TM2D3: variants seen among roughly 807,000 people sequenced by gnomAD.
TM2D3 encodes TM2 domain-containing protein 3.
TM2D3 carries 33 observed loss-of-function variants against 27.3 expected under a neutral mutation model. The observed-to-expected ratio is 1.21, with a 90% CI of 0.92 to 1.61. TM2D3 has a LOEUF of 1.61. TM2D3 is among the 40% of genes most tolerant of loss of function. TM2D3 has a pLI of 0.00. For missense variants in TM2D3, 364 were observed against 320.8 expected (o/e 1.13, Z -1.03); for synonymous variants, 138 against 122.2 (o/e 1.13, Z -0.85).
At chr15:101,644,348 C>G (rs947119674) in intron 5 of TM2D3, among the ~76,000 whole-genome samples, 7 of 152,172 alleles carry the variant, frequency 4.6e-5, no homozygotes, top group African/African-American at 1.4e-4. Flanking sequence ...GGGGGGTTTG[C>G]TACTGACAAG....
At chr15:101,640,464 G>A (rs1419205795), downstream of TM2D3, among the ~76,000 whole-genome samples, 2 of 152,188 alleles carry the variant, frequency 1.3e-5, no homozygotes, top group African/African-American at 2.4e-5. Context: ...AAGCCACGCC[G>A]TTTATGGTAT....
intron 5 of TM2D3, among the ~76,000 whole-genome samples, chr15:101,643,474 C>A (rs1032229775): frequency 6.6e-6 from 1 of 151,754 alleles, no homozygotes; most frequent in South Asian, 2.1e-4. Context: ...TGGTGGCGGG[C>A]GCCTGTAGTC....
intron 2 of TM2D3, chr15:101,651,076 G>T (rs1467889569): frequency 6.6e-6 from 1 of 152,408 alleles, no homozygotes; most frequent in Non-Finnish European, 1.5e-5. Context: ...TTTAAAACTG[G>T]TCCTACTTTA....
At position 101,642,411 on chromosome 15, in the gene TM2D3, C is replaced by G. The variant is rs1235480740; in HGVS notation, c.*68G>C. 6.7e-7 allele frequency: 1 copy of G among 1,484,202 alleles called. No homozygotes were observed. The highest frequency in any genetic ancestry group is 1.4e-5 in the African/African-American group (1 of 70,604). 91.9% of individuals were successfully genotyped at this position (1,484,202 alleles called of 1,614,324 possible). ...AAAACATAGAAATATATCACTCACACCACATCAACTCCTACGGACAAAAGG... is the reference window on the plus strand; with the variant it reads ...AAAACATAGAAATATATCACTCACAGCACATCAACTCCTACGGACAAAAGG... On this transcript the variant is annotated 3_prime_UTR_variant, in exon 6 of 6. Transcript: ENST00000333202.
rs771029297 is a variant in TM2D3, at chr15:101,650,081, A to C, written c.250T>G (p.Cys84Gly). 1.2e-6 allele frequency: 2 copies of C among 1,614,212 alleles called. No homozygotes were observed. The highest frequency in any genetic ancestry group is 1.7e-6 in the Non-Finnish European group (2 of 1,180,010). Residue 84 changes from cysteine to glycine, a missense_variant, in exon 3 of 6, where the codon TGC becomes GGC. Transcript: ENST00000333202. Reference protein sequence around the residue: ...CSRLPADCIDCTTNFSCTYGK... With the variant: ...CSRLPADCIDGTTNFSCTYGK... ...TAGGTACAGGAGAAATTTGTTGTGCAGTCTATACAGTCTGCAGGAAGCCTG... is the reference window on the plus strand; with the variant it reads ...TAGGTACAGGAGAAATTTGTTGTGCCGTCTATACAGTCTGCAGGAAGCCTG...
chr15:101,647,213 C>CA (rs1181100633), intron 3 of TM2D3, among the ~76,000 whole-genome samples: 1 of 152,150 alleles, frequency 6.6e-6, no homozygotes, highest in African/African-American at 2.4e-5. Context: ...CTAAATTTTT[C>CA]ATAGTAAACG....
chr15:101,651,985 G>A, intron 1 of TM2D3: 1 of 599,186 alleles, frequency 1.7e-6, no homozygotes, highest in East Asian at 2.9e-5. Context: ...ACCGAAGGAT[G>A]ACATCGCGCT....
At chr15:101,638,746 A>G (rs995551278), downstream of TM2D3, among the ~76,000 whole-genome samples, 1 of 151,834 alleles carries the variant, frequency 6.6e-6, no homozygotes, top group African/African-American at 2.4e-5. Context: ...TTCGCTGTGG[A>G]GTTTTCATTT....
chr15:101,644,802 A>T (rs1035524346), intron 5 of TM2D3, among the ~76,000 whole-genome samples: 1 of 152,198 alleles, frequency 6.6e-6, no homozygotes, highest in African/African-American at 2.4e-5. Context: ...ATACATCATA[A>T]AACTGCCTAT....
chr15:101,639,678 G>A (rs112019400), downstream of TM2D3, among the ~76,000 whole-genome samples: 3 of 151,742 alleles, frequency 2.0e-5, no homozygotes, highest in Admixed American at 6.6e-5. Context: ...CTTTTTATAC[G>A]CACCATAAAC....
chr15:101,640,846 C>T (rs1433236381), downstream of TM2D3, among the ~76,000 whole-genome samples: 1 of 152,224 alleles, frequency 6.6e-6, no homozygotes, highest in Non-Finnish European at 1.5e-5. Context: ...TTCATTTATG[C>T]CTCCTTTCAT....
At chr15:101,646,033 C>T (rs931811900) in intron 4 of TM2D3, 2 of 152,328 alleles carry the variant, frequency 1.3e-5, no homozygotes, top group Non-Finnish European at 2.9e-5. Context: ...GCTGAAGAAG[C>T]TCTTGCACCT....
At chr15:101,638,087 C>G (rs959546588), downstream of TM2D3, among the ~76,000 whole-genome samples, 2 of 152,106 alleles carry the variant, frequency 1.3e-5, no homozygotes, top group Admixed American at 6.5e-5. Flanking sequence ...GCAATGACCC[C>G]TGGGGGTCAC....
intron 1 of TM2D3, 121 bp from the exon 2 acceptor site, chr15:101,651,894 G>T: frequency 2.0e-6 from 2 of 993,106 alleles, no homozygotes; most frequent in Non-Finnish European, 1.6e-6. Flanking sequence ...AAACCTCACG[G>T]CTGGTCAGCC....
rs747589345 is a variant in TM2D3, at chr15:101,652,193, G to A, written c.91+78C>T. The A allele has an allele frequency of 6.0e-5, 79 of 1,323,756 alleles. 1 individual carries two copies. Among genetic ancestry groups the A allele is most frequent in the Non-Finnish European group, 7.5e-5 (71 of 942,118 alleles). The allele number at this position is 1,323,756 out of a possible 1,614,324, so 82.0% of individuals were successfully genotyped here. On this transcript the variant is annotated intron_variant, in intron 1 of 5. Coordinates refer to ENST00000333202, the MANE Select transcript of TM2D3 (RefSeq NM_078474.3). ...CCTCCCCGCGTCAGCGTCCGCCCGT[G>A]GGCCCGGCCTCCTCGCAGCTCCCGG...
chr15:101,635,881 G>C (rs1446005513), intron 4 of TM2D3: 1 of 152,108 alleles, frequency 6.6e-6, no homozygotes, highest in African/African-American at 2.4e-5. Flanking sequence ...TTCTTTCGCA[G>C]ACTGTGTTTC....
chr15:101,648,425 T>A (rs567011369), intron 3 of TM2D3: 11 of 152,366 alleles, frequency 7.2e-5, no homozygotes, highest in Non-Finnish European at 1.3e-4. Flanking sequence ...TACGTTTACA[T>A]CTGCCTATTT....
downstream of TM2D3, chr15:101,641,784 C>A: frequency 1.7e-6 from 1 of 586,478 alleles, no homozygotes; most frequent in Non-Finnish European, 2.1e-6. Context: ...TTATTCTTAA[C>A]AATAAAGGTA....
chr15:101,635,829 T>A (rs1388727850), intron 4 of TM2D3: 2 of 152,152 alleles, frequency 1.3e-5, no homozygotes, highest in Non-Finnish European at 2.9e-5. Context: ...GCTTTTCCTG[T>A]GTTTCTTGGA....
Sources: gnomAD v4.1 joint callset for allele counts (sites outside exome capture counted in the v4.1 genomes callset) on GRCh38, gnomAD v4.1.1 for gene constraint, MANE v1.5 for transcripts, NCBI Gene and HGNC (gene_info 2026-07-23, HGNC 2026-07-21) for gene names.